PIK3C2A: variants seen among roughly 807,000 people sequenced by gnomAD.
PIK3C2A encodes phosphatidylinositol 4-phosphate 3-kinase C2 domain-containing subunit alpha.
PIK3C2A carries 97 observed loss-of-function variants against 204.5 expected under a neutral mutation model. The observed-to-expected ratio is 0.47, with a 90% confidence interval of 0.40 to 0.56. The LOEUF (loss-of-function observed/expected upper bound fraction) is 0.56, where lower values mean the gene tolerates loss of function less well. Ranked by LOEUF, PIK3C2A falls within the 20% of genes least tolerant of loss-of-function variation. The probability of loss-of-function intolerance (pLI) is 0.00; values close to 1 mark genes in which losing one functional copy is unlikely to be tolerated. For synonymous variants in PIK3C2A, 653 were observed against 664.4 expected (o/e 0.98, Z 0.26); for missense variants, 1,735 against 1,969.2 (o/e 0.88, Z 2.25).
intron 25 of PIK3C2A, 92 bp downstream of exon 25, chr11:17,101,186 T>G: frequency 3.8e-6 from 3 of 795,492 alleles, no homozygotes; most frequent in Non-Finnish European, 5.7e-6. Flanking sequence ...TAAAGCAAAT[T>G]TTATTCCAAA....
intron 19 of PIK3C2A, among the ~76,000 whole-genome samples, chr11:17,116,646 G>A (rs1590925800): frequency 6.6e-6 from 1 of 151,462 alleles, no homozygotes; most frequent in African/African-American, 2.4e-5. Flanking sequence ...CTGGAGTATA[G>A]TGGCTCGATC....
chr11:17,135,288 T>A, intron 9 of PIK3C2A, 129 bp from the exon 10 acceptor site: 1 of 841,422 alleles, frequency 1.2e-6, no homozygotes, highest in South Asian at 1.6e-5. Context: ...AATAAAACGA[T>A]AAATAAATAA....
chr11:17,197,761 T>A (rs1195426684), intron 1 of PIK3C2A, among the ~76,000 whole-genome samples: 1 of 152,178 alleles, frequency 6.6e-6, no homozygotes, highest in Non-Finnish European at 1.5e-5. Context: ...CATGAATCAT[T>A]AAATAAACTT....
chr11:17,113,835 A>AT (rs1223995540), intron 20 of PIK3C2A, among the ~76,000 whole-genome samples: 1 of 148,978 alleles, frequency 6.7e-6, no homozygotes, highest in African/African-American at 2.5e-5. Context: ...TAATCTCAGC[A>AT]TTTTGGGAGG....
At chr11:17,099,720 C>G (rs1848560321) in intron 26 of PIK3C2A, 140 bp downstream of exon 26, 6 of 487,912 alleles carry the variant, frequency 1.2e-5, no homozygotes, top group South Asian at 3.8e-5. Flanking sequence ...CTTTTGACAG[C>G]CTACTATGTG....
chr11:17,196,047 A>G (rs1168771190), intron 1 of PIK3C2A, among the ~76,000 whole-genome samples: 4 of 152,120 alleles, frequency 2.6e-5, no homozygotes, highest in Non-Finnish European at 5.9e-5. Context: ...TCGAAAGAAA[A>G]AAAGAAAAGA....
intron 2 of PIK3C2A, among the ~76,000 whole-genome samples, chr11:17,165,078 G>A (rs1200418944): frequency 6.6e-6 from 1 of 152,114 alleles, no homozygotes; most frequent in African/African-American, 2.4e-5. Context: ...GCAGGGGCAG[G>A]AAGTTGAGTT....
At chr11:17,145,559 T>C (rs1407364764) in intron 8 of PIK3C2A, 109 bp downstream of exon 8, 18 of 665,358 alleles carry the variant, frequency 2.7e-5, no homozygotes, top group South Asian at 3.9e-5. Context: ...AAGAAGAATA[T>C]AGTCTTAAAA....
chr11:17,132,398 C>T (rs1212914140), intron 11 of PIK3C2A, among the ~76,000 whole-genome samples: 3 of 145,630 alleles, frequency 2.1e-5, no homozygotes, highest in Non-Finnish European at 4.5e-5. Context: ...GGCGCAATCT[C>T]GGCTCACTGC....
At chr11:17,137,495 A>G (rs1590950398) in intron 8 of PIK3C2A, among the ~76,000 whole-genome samples, 1 of 140,324 alleles carries the variant, frequency 7.1e-6, no homozygotes, top group Admixed American at 7.9e-5. Flanking sequence ...GCTCACTGCA[A>G]CCTCCTGGGT....
chr11:17,131,948 C>T lies in PIK3C2A; in HGVS notation c.2199G>A (p.Lys733=). 1 of 1,598,792 alleles carries T rather than the reference C, an allele frequency of 6.3e-7. No individual in the cohort carries two copies. Among genetic ancestry groups the T allele is most frequent in the South Asian group, 1.1e-5 (1 of 88,374 alleles). Residue 733 remains lysine (K), a synonymous_variant, in exon 12 of 33, where the codon AAG becomes AAA. Transcript: ENST00000691414. ...PIQSKKVGTY[K]NFFYLIKWDE... is the part of the protein sequence containing the mutation. Reference sequence around the variant, plus strand: ...CCCATTTAATAAGATAGAAGAAATTCTTGTAAGTGCCAACCTTCTTTGATT... The same window carrying T: ...CCCATTTAATAAGATAGAAGAAATTTTTGTAAGTGCCAACCTTCTTTGATT...
chr11:17,177,913 T>C (rs1157989820), intron 1 of PIK3C2A, among the ~76,000 whole-genome samples: 1 of 151,934 alleles, frequency 6.6e-6, no homozygotes, highest in East Asian at 1.9e-4. Context: ...GCCAGTATGG[T>C]GAAACCTTGT....
At chr11:17,090,304 C>T (rs1848268755) in intron 32 of PIK3C2A, among the ~76,000 whole-genome samples, 1 of 152,028 alleles carries the variant, frequency 6.6e-6, no homozygotes, top group Admixed American at 6.6e-5. Flanking sequence ...CCTGTCTCTA[C>T]TAAAAATACA....
intron 13 of PIK3C2A, among the ~76,000 whole-genome samples, chr11:17,123,226 G>A (rs1041086260): frequency 6.6e-6 from 1 of 152,018 alleles, no homozygotes; most frequent in Non-Finnish European, 1.5e-5. Context: ...AAAAATACAA[G>A]CCAAAGAAAA....
At chr11:17,093,649 G>C (rs1013781944) in intron 28 of PIK3C2A, among the ~76,000 whole-genome samples, 15 of 144,678 alleles carry the variant, frequency 1.0e-4, no homozygotes, top group African/African-American at 3.1e-4. Context: ...TTTTTTTTTG[G>C]GGGGGGGGGA....
In PIK3C2A at chr11:17,114,864, A is replaced by G. The variant is rs1056612471; in HGVS notation, c.3217-399T>C. ...TTTGTAGAGCAATGTAACAACTATT[A>G]TAACTAAAAATACATGTCGCTCTTG... On this transcript the variant is annotated intron_variant, in intron 19 of 32. Transcript: ENST00000691414. Among the ~76,000 whole-genome samples, 5 of 152,238 alleles carry G rather than the reference A, an allele frequency of 3.3e-5. No homozygotes were observed. In the East Asian group the frequency reaches 5.8e-4, roughly 18 times the overall value.
intron 1 of PIK3C2A, among the ~76,000 whole-genome samples, chr11:17,191,845 A>G (rs1373952034): frequency 1.3e-5 from 2 of 152,116 alleles, no homozygotes; most frequent in Non-Finnish European, 2.9e-5. Context: ...TTAAAAGTTC[A>G]GGCTTGGCCA....
chr11:17,202,161 C>T (rs1852409574), intron 1 of PIK3C2A, among the ~76,000 whole-genome samples: 1 of 149,332 alleles, frequency 6.7e-6, no homozygotes, highest in South Asian at 2.1e-4. Flanking sequence ...GAGGCTGAGG[C>T]AAGAGAATCA....
At chr11:17,192,006 G>T (rs996470264) in intron 1 of PIK3C2A, among the ~76,000 whole-genome samples, 4 of 151,634 alleles carry the variant, frequency 2.6e-5, no homozygotes, top group East Asian at 1.9e-4. Context: ...ATTAGCCAGC[G>T]TGGTGGTGCA....
Sources: allele counts gnomAD v4.1 joint callset (sites outside exome capture counted in the v4.1 genomes callset), GRCh38; gene constraint gnomAD v4.1.1; transcripts MANE v1.5; gene names NCBI Gene and HGNC (gene_info 2026-07-23, HGNC 2026-07-21).